MSH3: variants seen among roughly 807,000 people sequenced by gnomAD.
The protein encoded by MSH3 is DNA mismatch repair protein Msh3.
Under a neutral mutation model 123.3 loss-of-function variants are expected in MSH3, and 106 were observed. That is an observed-to-expected ratio of 0.86 (90% confidence interval 0.73 to 1.01). MSH3 has a LOEUF of 1.01. Among genes scored for constraint, MSH3 ranks in the 50% least tolerant of loss-of-function variants. The probability of loss-of-function intolerance (pLI) is 0.00; values close to 1 mark genes in which losing one functional copy is unlikely to be tolerated. For missense variants in MSH3, 1,459 were observed against 1,347.6 expected (o/e 1.08, Z -1.29); for synonymous variants, 515 against 481.4 (o/e 1.07, Z -0.91).
At chr5:80,798,098 T>G in intron 19 of MSH3, among the ~76,000 whole-genome samples, 1 of 149,618 alleles carries the variant, frequency 6.7e-6, no homozygotes, top group East Asian at 2.0e-4. Context: ...GCTTCTCAGT[T>G]TGTTGGGTGG....
At chr5:80,763,956 GT>G (rs1295583971) in intron 13 of MSH3, among the ~76,000 whole-genome samples, 1 of 152,226 alleles carries the variant, frequency 6.6e-6, no homozygotes, top group Non-Finnish European at 1.5e-5. Context: ...CCTTGTTGCT[GT>G]TTTAGTGTTT....
At chr5:80,869,982 T>G (rs1746183864) in intron 22 of MSH3, among the ~76,000 whole-genome samples, 1 of 151,246 alleles carries the variant, frequency 6.6e-6, no homozygotes. Flanking sequence ...AAGACCAGCC[T>G]GACCAACATG....
At chr5:80,763,617 T>A (rs1305861502) in intron 13 of MSH3, among the ~76,000 whole-genome samples, 3 of 152,244 alleles carry the variant, frequency 2.0e-5, no homozygotes, top group Non-Finnish European at 4.4e-5. Context: ...AAGGATTCAC[T>A]GACAGATGTC....
intron 21 of MSH3, among the ~76,000 whole-genome samples, chr5:80,856,637 C>T (rs1745925747): frequency 6.6e-6 from 1 of 151,826 alleles, no homozygotes; most frequent in Non-Finnish European, 1.5e-5. Context: ...ACCAACATGG[C>T]ACATGTATAC....
chr5:80,808,648 C>A (rs956437092), intron 19 of MSH3, among the ~76,000 whole-genome samples: 9 of 151,542 alleles, frequency 5.9e-5, no homozygotes, highest in Non-Finnish European at 1.2e-4. Context: ...TATCAATTAC[C>A]TCTGAAATCC....
chr5:80,720,033 G>A (rs1038191979), intron 8 of MSH3, among the ~76,000 whole-genome samples: 13 of 152,152 alleles, frequency 8.5e-5, no homozygotes, highest in Non-Finnish European at 1.5e-4. Context: ...CATACTTTGG[G>A]TATAGCTCTC....
chr5:80,826,119 T>G (rs1745294668), intron 20 of MSH3, among the ~76,000 whole-genome samples: 1 of 152,238 alleles, frequency 6.6e-6, no homozygotes, highest in Non-Finnish European at 1.5e-5. Context: ...ATCAGAATCT[T>G]GGCGGTGCTA....
At chr5:80,723,556 T>C (rs1020050170) in intron 8 of MSH3, among the ~76,000 whole-genome samples, 23 of 152,162 alleles carry the variant, frequency 1.5e-4, no homozygotes, top group African/African-American at 5.1e-4. Flanking sequence ...ATAAAATACT[T>C]AGCTGCTGTT....
intron 3 of MSH3, among the ~76,000 whole-genome samples, chr5:80,667,248 CTGTG>C (rs1266972238): frequency 1.3e-5 from 2 of 152,004 alleles, no homozygotes; most frequent in Non-Finnish European, 2.9e-5. Flanking sequence ...AATATATTTT[CTGTG>C]TTGATTAACT....
In MSH3 at chr5:80,693,086, T is replaced by G. The variant is rs185777379; in HGVS notation, c.1340+13993T>G. 2.1e-3 allele frequency among the ~76,000 whole-genome samples: 287 copies of G among 138,008 alleles called. 4 individuals are homozygous for G. The highest frequency in any genetic ancestry group is 7.5e-3 in the African/African-American group (277 of 36,882). 90.5% of individuals were successfully genotyped at this position (138,008 alleles called of 152,430 possible). On this transcript the variant is annotated intron_variant, in intron 8 of 23. Coordinates refer to ENST00000265081, the MANE Select transcript of MSH3 (RefSeq NM_002439.5). ...ATATACATGCACATGTATATGTTTATATAGATAAATATACATGCACATGTA... is the reference window on the plus strand; with the variant it reads ...ATATACATGCACATGTATATGTTTAGATAGATAAATATACATGCACATGTA...
At chr5:80,870,701 T>G (rs1246194745) in intron 22 of MSH3, among the ~76,000 whole-genome samples, 3 of 152,216 alleles carry the variant, frequency 2.0e-5, no homozygotes, top group Non-Finnish European at 4.4e-5. Flanking sequence ...CTTATCTGTC[T>G]GCTGCCGAAT....
chr5:80,778,980 CTTTTTTTTTTTTTTTACTTTTT>C (rs1345183675), intron 17 of MSH3, 144 bp downstream of exon 17: 4 of 394,324 alleles, frequency 1.0e-5, no homozygotes, highest in Admixed American at 9.0e-5. Context: ...GATTTTATTT[CTTTTTTTTTTTTTTTACTTTTT>C]TTTTTTTGAT....
chr5:80,781,774 C>T (rs1283941919), intron 17 of MSH3, among the ~76,000 whole-genome samples: 1 of 152,118 alleles, frequency 6.6e-6, no homozygotes, highest in African/African-American at 2.4e-5. Flanking sequence ...GTCCCTTCTT[C>T]TGTTGTCTTC....
chr5:80,760,488 C>G (rs1211670103), intron 12 of MSH3, among the ~76,000 whole-genome samples: 2 of 152,156 alleles, frequency 1.3e-5, no homozygotes, highest in East Asian at 3.9e-4. Flanking sequence ...TCTGCACTTT[C>G]TATTGCTACT....
In MSH3 at chr5:80,674,968, TTTAA is replaced by T; in HGVS notation, c.1028-11_1028-8del. On this transcript the variant is annotated splice_polypyrimidine_tract_variant and intron_variant, in intron 6 of 23. Transcript: ENST00000265081. ...AGAATTTAGCATATAATTATTTTTC[TTTAA>T]TTATTATTAAATGTGAATCCCCTAA... 6.5e-7 allele frequency: 1 copy of T among 1,544,088 alleles called. No homozygotes were observed. Among genetic ancestry groups the T allele is most frequent in the Non-Finnish European group, 8.9e-7 (1 of 1,129,428 alleles).
chr5:80,711,948 C>G (rs1009730521), intron 8 of MSH3, among the ~76,000 whole-genome samples: 1 of 152,162 alleles, frequency 6.6e-6, no homozygotes, highest in Non-Finnish European at 1.5e-5. Flanking sequence ...GCCACCACGC[C>G]CGGCCAGCAC....
At chr5:80,836,440 C>A (rs1278886848) in intron 20 of MSH3, among the ~76,000 whole-genome samples, 1 of 150,642 alleles carries the variant, frequency 6.6e-6, no homozygotes, top group Non-Finnish European at 1.5e-5. Flanking sequence ...GATAAGGCTT[C>A]CAGTCCACAG....
Position 80,655,030 on chromosome 5 carries a change from G to A in MSH3, c.237+66G>A, listed in dbSNP as rs923399623. 9.1e-6 allele frequency: 9 copies of A among 985,484 alleles called. No homozygotes were observed. The African/African-American group carries it at 1.6e-4, about 17-fold the overall frequency. The allele number at this position is 985,484 out of a possible 1,614,324, so 61.0% of individuals were successfully genotyped here. ...GGGGGCGGGGCTTGTGGGTAAGGCG[G>A]GCGGAGGCGGGGACCCTCCGCCCGA... On this transcript the variant is annotated intron_variant, in intron 1 of 23. Coordinates refer to ENST00000265081, the MANE Select transcript of MSH3 (RefSeq NM_002439.5).
At chr5:80,804,233 A>G (rs13174494) in intron 19 of MSH3, among the ~76,000 whole-genome samples, 3 of 152,030 alleles carry the variant, frequency 2.0e-5, no homozygotes, top group Non-Finnish European at 2.9e-5. Flanking sequence ...AATTTTTTGC[A>G]TTAGTTTATG....
Sources: allele counts gnomAD v4.1 joint callset (sites outside exome capture counted in the v4.1 genomes callset), GRCh38; gene constraint gnomAD v4.1.1; transcripts MANE v1.5; gene names NCBI Gene and HGNC (gene_info 2026-07-23, HGNC 2026-07-21).